Variants in DCAF6 observed in about 807,000 individuals in gnomAD.
DCAF6 encodes DDB1 and CUL4 associated factor 6, also known as DDB1- and CUL4-associated factor 6.
Under a neutral mutation model 125.1 loss-of-function variants are expected in DCAF6, and 54 were observed. That is an observed-to-expected ratio of 0.43 (90% CI 0.35 to 0.54). The LOEUF (loss-of-function observed/expected upper bound fraction) is 0.54, where lower values mean the gene tolerates loss of function less well. DCAF6 is among the 20% of genes least tolerant of loss of function. The probability of loss-of-function intolerance (pLI) is 0.01; values close to 1 mark genes in which losing one functional copy is unlikely to be tolerated. For missense variants in DCAF6, 934 were observed against 1,161.7 expected (o/e 0.80, Z 2.85); for synonymous variants, 371 against 390.4 (o/e 0.95, Z 0.58).
chr1:167,924,725 T>G, the DCAF6 span, among the ~76,000 whole-genome samples: 1 of 152,268 alleles, frequency 6.6e-6, no homozygotes, highest in African/African-American at 2.4e-5. Context: ...CACAGTACAG[T>G]TGACCCTTGA....
At chr1:167,984,540 A>G (rs1486207730) in intron 4 of DCAF6, among the ~76,000 whole-genome samples, 1 of 148,092 alleles carries the variant, frequency 6.8e-6, no homozygotes, top group Non-Finnish European at 1.5e-5. Flanking sequence ...AGAAGTGATC[A>G]TTTTACTTAA....
intron 12 of DCAF6, among the ~76,000 whole-genome samples, chr1:168,029,728 C>T (rs1686808999): frequency 6.6e-6 from 1 of 152,106 alleles, no homozygotes; most frequent in South Asian, 2.1e-4. Context: ...CGCCTGTAAT[C>T]CCAGTACTTT....
chr1:167,973,425 A>C (rs923081014), intron 3 of DCAF6, among the ~76,000 whole-genome samples: 1 of 152,148 alleles, frequency 6.6e-6, no homozygotes, highest in African/African-American at 2.4e-5. Flanking sequence ...TTCTTTCCTA[A>C]CAGTCTTTCC....
intron 3 of DCAF6, among the ~76,000 whole-genome samples, chr1:167,972,506 C>T (rs1026079163): frequency 3.5e-4 from 53 of 152,080 alleles, no homozygotes; most frequent in Non-Finnish European, 1.2e-4. Context: ...TAAAAGATAG[C>T]TCTGGCTGCT....
Position 167,966,687 on chromosome 1 carries a change from C to A in DCAF6, c.218C>A (p.Thr73Asn). ...GEYILSGSDD[T>N]KLVISNPYSR... is the part of the protein sequence containing the mutation. ...TATATTTTATCTGGCTCAGATGACACCAAATTAGTAATTAGTAATCCTTAC... is the reference window on the plus strand; with the variant it reads ...TATATTTTATCTGGCTCAGATGACAACAAATTAGTAATTAGTAATCCTTAC... The change falls in exon 3 of 22, where the codon ACC becomes AAC. Residue 73 changes from threonine (T) to asparagine (N), a missense_variant. Transcript: ENST00000367840. 1 of 1,600,432 alleles carries A rather than the reference C, an allele frequency of 6.2e-7. No individual in the cohort carries two copies. The highest frequency in any genetic ancestry group is 8.6e-7 in the Non-Finnish European group (1 of 1,169,152).
chr1:167,908,930 A>T, the DCAF6 span, among the ~76,000 whole-genome samples: 2 of 152,242 alleles, frequency 1.3e-5, no homozygotes, highest in Non-Finnish European at 2.9e-5. Context: ...CATAACATAC[A>T]TGTAGGAAAA....
chr1:167,980,005 AC>A (rs1678864143), intron 4 of DCAF6, among the ~76,000 whole-genome samples: 1 of 151,842 alleles, frequency 6.6e-6, no homozygotes, highest in Non-Finnish European at 1.5e-5. Context: ...ACATGGTGAA[AC>A]CCTGTCTCTA....
At chr1:167,894,589 G>A in the DCAF6 span, among the ~76,000 whole-genome samples, 3 of 151,998 alleles carry the variant, frequency 2.0e-5, no homozygotes, top group Non-Finnish European at 4.4e-5. Context: ...AGGGTTTTCA[G>A]CAGGGAAGAA....
At chr1:167,921,152 G>C in the DCAF6 span, among the ~76,000 whole-genome samples, 2 of 151,930 alleles carry the variant, frequency 1.3e-5, no homozygotes, top group Non-Finnish European at 2.9e-5. Context: ...GTGATGCTGA[G>C]GTTTGGGCTT....
chr1:167,939,218 A>G (rs566904480), intron 1 of DCAF6, among the ~76,000 whole-genome samples: 1 of 152,238 alleles, frequency 6.6e-6, no homozygotes, highest in Admixed American at 6.5e-5. Context: ...CAAAATCCAC[A>G]TTGGTAATGT....
chr1:167,988,054 GA>G (rs1416985598), intron 5 of DCAF6, among the ~76,000 whole-genome samples: 1 of 151,872 alleles, frequency 6.6e-6, no homozygotes, highest in East Asian at 1.9e-4. Flanking sequence ...TTTTTAAAAA[GA>G]AATAATAAGA....
intron 12 of DCAF6, among the ~76,000 whole-genome samples, chr1:168,030,357 C>T (rs1392537888): frequency 1.3e-5 from 2 of 152,184 alleles, no homozygotes; most frequent in Non-Finnish European, 2.9e-5. Flanking sequence ...ATGCCACATA[C>T]AGGATGACTA....
intron 3 of DCAF6, among the ~76,000 whole-genome samples, chr1:167,973,481 G>A (rs1448478851): frequency 1.3e-5 from 2 of 152,034 alleles, no homozygotes; most frequent in African/African-American, 4.8e-5. Context: ...TGAATCGGTT[G>A]TTGTAATGTC....
At chr1:167,868,564 G>GC in the DCAF6 span, among the ~76,000 whole-genome samples, 1 of 152,016 alleles carries the variant, frequency 6.6e-6, no homozygotes, top group Non-Finnish European at 1.5e-5. Flanking sequence ...GGACTAGACA[G>GC]CCCCCCACTA....
At chr1:168,072,398 TAGTC>T (rs148371314) in intron 21 of DCAF6, among the ~76,000 whole-genome samples, 1,751 of 151,726 alleles carry the variant, frequency 0.012, 41 homozygotes, top group African/African-American at 0.04. Flanking sequence ...CCCTCTCACT[TAGTC>T]ATTCTTGTTC....
chr1:168,007,839 C>T (rs1683549943), intron 10 of DCAF6, among the ~76,000 whole-genome samples: 3 of 151,902 alleles, frequency 2.0e-5, no homozygotes, highest in Non-Finnish European at 4.4e-5. Flanking sequence ...TTTAATATCT[C>T]CTGTAAATTC....
the DCAF6 span, among the ~76,000 whole-genome samples, chr1:167,885,741 A>C: frequency 6.6e-6 from 1 of 151,954 alleles, no homozygotes; most frequent in Non-Finnish European, 1.5e-5. Flanking sequence ...TCAGCCCCTG[A>C]GTAGCTGGGA....
At chr1:168,018,981 A>T (rs1211744044) in intron 11 of DCAF6, among the ~76,000 whole-genome samples, 1 of 152,168 alleles carries the variant, frequency 6.6e-6, no homozygotes, top group Non-Finnish European at 1.5e-5. Flanking sequence ...AGGATGGGTT[A>T]AGGCAATACA....
In DCAF6 at chr1:168,009,461, T is replaced by TCTTCCTTC. The variant is rs71100923; in HGVS notation, c.1378+4671_1378+4678dup. Among the ~76,000 whole-genome samples, 3 of 140,690 alleles carry TCTTCCTTC rather than the reference T, an allele frequency of 2.1e-5. 1 individual carries two copies. In the East Asian group the frequency reaches 6.5e-4, roughly 30 times the overall value. The allele number at this position is 140,690 out of a possible 152,430, so 92.3% of individuals were successfully genotyped here. A position where few individuals can be genotyped will look rare whatever the true frequency, so the allele number is the denominator to read the frequency against. On this transcript the variant is annotated intron_variant, in intron 10 of 21. Transcript: ENST00000367840. The stretch of plus-strand genomic sequence containing the variant: ...CTCTTTCTTTCTTTCTGTCTCTCTC[T>TCTTCCTTC]CTTCCTTCCTCCCTCCCTCCCTTCC...
Sources: allele counts gnomAD v4.1 joint callset (sites outside exome capture counted in the v4.1 genomes callset), GRCh38; gene constraint gnomAD v4.1.1; transcripts MANE v1.5; gene names NCBI Gene and HGNC (gene_info 2026-07-23, HGNC 2026-07-21).